The following TTYH2 variants were observed in gnomAD, a reference collection of about 807,000 sequenced individuals.
TTYH2 encodes tweety family member 2.
In TTYH2, 49 loss-of-function variants were observed where a neutral mutation model predicts 68.3. That is an observed-to-expected ratio of 0.72 (90% CI 0.57 to 0.91). TTYH2 has a LOEUF of 0.91. TTYH2 is among the 40% of genes least tolerant of loss of function. The pLI is 0.00. For missense variants in TTYH2, 631 were observed against 700.4 expected, an observed-to-expected ratio of 0.90 and a Z score of 1.12; for synonymous variants, 272 against 300.8, an observed-to-expected ratio of 0.90 and a Z score of 0.99.
chr17:74,260,208 A>G lies in TTYH2; in HGVS notation c.1604A>G (p.Ter535=), dbSNP rs981412901. The G allele has an allele frequency of 6.2e-7, 1 of 1,613,960 alleles. No homozygotes were observed. The highest frequency in any genetic ancestry group is 8.5e-7 in the Non-Finnish European group (1 of 1,179,920). ...CACTACGGGAATCAGTTTCCAGCCT[A>G]ACAGACTTTCGGGGGTTCCTGCCTC... The part of the protein sequence containing the change: ...LRHYGNQFPA[*] Residue 535 remains the stop codon, a stop_retained_variant, in exon 14 of 14, where the codon TAA becomes TGA. Coordinates refer to ENST00000269346, the MANE Select transcript of TTYH2 (RefSeq NM_032646.6).
Position 74,214,641 on chromosome 17 carries a change from C to G in TTYH2, c.129+925C>G, listed in dbSNP as rs527860258. Among the ~76,000 whole-genome samples, 1 of 152,340 alleles carries G rather than the reference C, an allele frequency of 6.6e-6. No homozygotes were observed. Among genetic ancestry groups the G allele is most frequent in the African/African-American group, 2.4e-5 (1 of 41,576 alleles). ...AACAAAGCTGCAGAATCTCCCAGCC[C>G]GTCTCAGGTCTGGTCACGCCTGCTC... On this transcript the variant is annotated intron_variant, in intron 1 of 13. Transcript: ENST00000269346. The surrounding 1 kb of genome is among the most constrained non-coding windows in gnomAD (Gnocchi z 4.6).
intron 3 of TTYH2, among the ~76,000 whole-genome samples, chr17:74,233,727 T>G (rs2050413223): frequency 6.6e-6 from 1 of 152,038 alleles, no homozygotes; most frequent in Admixed American, 6.6e-5. Flanking sequence ...CCTTGGTGGG[T>G]AGGGGCGGTG....
intron 3 of TTYH2, among the ~76,000 whole-genome samples, chr17:74,235,451 A>G (rs1161559422): frequency 6.6e-6 from 1 of 152,246 alleles, no homozygotes; most frequent in Non-Finnish European, 1.5e-5. Context: ...CGCTGCCAGC[A>G]AGGGCGTGCT....
rs539226350 is a variant in TTYH2 at position 74,228,721 on chromosome 17, G to A, written c.303-2167G>A. Among the ~76,000 whole-genome samples, 29 of 152,292 alleles carry A rather than the reference G, an allele frequency of 1.9e-4. 1 individual carries two copies. The highest frequency in any genetic ancestry group is 1.7e-3 in the East Asian group (9 of 5,184). Reference sequence around the variant, plus strand: ...AGTGGGGGGCGGGGGGAACCAGGGCGGGTGCAAGTTCAGGTCAGTGCCCTG... The same window carrying A: ...AGTGGGGGGCGGGGGGAACCAGGGCAGGTGCAAGTTCAGGTCAGTGCCCTG... On this transcript the variant is annotated intron_variant, in intron 2 of 13. Transcript: ENST00000269346.
At chr17:74,230,088 G>A (rs893360763) in intron 2 of TTYH2, among the ~76,000 whole-genome samples, 2 of 152,080 alleles carry the variant, frequency 1.3e-5, no homozygotes, top group Non-Finnish European at 2.9e-5. Flanking sequence ...CTGAGATAGC[G>A]CCATTGCACT....
intron 2 of TTYH2, among the ~76,000 whole-genome samples, chr17:74,225,472 T>G (rs528861093): frequency 6.6e-6 from 1 of 152,310 alleles, no homozygotes; most frequent in African/African-American, 2.4e-5. Flanking sequence ...CGTGACCCGA[T>G]AACTCAAGTT....
intron 2 of TTYH2, among the ~76,000 whole-genome samples, chr17:74,224,957 C>T (rs2050314949): frequency 6.6e-6 from 1 of 151,360 alleles, no homozygotes; most frequent in Admixed American, 6.6e-5. Flanking sequence ...CGAGATTGCG[C>T]CATTGCATTC....
In TTYH2 at chr17:74,222,929, T is replaced by C. The variant is rs765160742; in HGVS notation, c.302+272T>C. ...GCCCAGCAGCTGTGCAGGCAGCATT[T>C]CTGCACCGACACTGGGCATCTCCAG... On this transcript the variant is annotated intron_variant, in intron 2 of 13. Coordinates refer to ENST00000269346, the MANE Select transcript of TTYH2 (RefSeq NM_032646.6). This position sits in a 1 kb window ranked among gnomAD's most constrained non-coding sequence, Gnocchi z 5.2. Among the ~76,000 whole-genome samples, 1 of 152,080 alleles carries C rather than the reference T, an allele frequency of 6.6e-6. No individual in the cohort carries two copies. Among genetic ancestry groups the C allele is most frequent in the Non-Finnish European group, 1.5e-5 (1 of 67,990 alleles).
rs536102441 is a variant in TTYH2, at chr17:74,221,224, C to T, written c.130-1261C>T. Among the ~76,000 whole-genome samples the T allele has an allele frequency of 2.0e-5, 3 of 152,232 alleles. No homozygotes were observed. In the South Asian group the frequency reaches 6.2e-4, roughly 31 times the overall value. On this transcript the variant is annotated intron_variant, in intron 1 of 13. Transcript: ENST00000269346. The stretch of plus-strand genomic sequence containing the variant: ...AGCCAAGAGTGACCAGCAGAGCAGT[C>T]CATGTCAGAGGCCCGAAGACCTGCC...
chr17:74,236,047 A>G (rs1431325094), intron 3 of TTYH2, among the ~76,000 whole-genome samples: 1 of 152,236 alleles, frequency 6.6e-6, no homozygotes, highest in Non-Finnish European at 1.5e-5. Context: ...CCAGCCGTCA[A>G]CTTTCTATTT....
chr17:74,221,705 G>A (rs904637609), intron 1 of TTYH2, among the ~76,000 whole-genome samples: 11 of 152,180 alleles, frequency 7.2e-5, no homozygotes, highest in Admixed American at 1.3e-4. Flanking sequence ...GCAGGGCCCC[G>A]AGGTGCTAGG....
chr17:74,234,428 T>A (rs188151696), intron 3 of TTYH2, among the ~76,000 whole-genome samples: 6 of 152,336 alleles, frequency 3.9e-5, no homozygotes. Context: ...CCTGAAACTT[T>A]AAGGAATTGG....
At chr17:74,248,402 A>G (rs927218954) in intron 6 of TTYH2, 1 of 986,784 alleles carries the variant, frequency 1.0e-6, no homozygotes, top group Non-Finnish European at 1.2e-6. Flanking sequence ...CAGGTCCTCC[A>G]GCTCATAAGT....
At chr17:74,233,376 T>C (rs1032450226) in intron 3 of TTYH2, among the ~76,000 whole-genome samples, 1 of 152,166 alleles carries the variant, frequency 6.6e-6, no homozygotes, top group Non-Finnish European at 1.5e-5. Context: ...ATCAGATAAA[T>C]GACTAGTGAG....
intron 4 of TTYH2, 106 bp downstream of exon 4, chr17:74,237,620 T>C (rs1598222570): frequency 9.6e-7 from 1 of 1,036,996 alleles, no homozygotes; most frequent in East Asian, 2.6e-5. Flanking sequence ...CACTGGAAAG[T>C]ATTTTTTTTT....
chr17:74,218,319 G>GT (rs910459595), intron 1 of TTYH2, among the ~76,000 whole-genome samples: 1 of 147,142 alleles, frequency 6.8e-6, no homozygotes, highest in Non-Finnish European at 1.5e-5. Context: ...ACCACCCCCA[G>GT]TTTTTTCCCA....
Position 74,215,001 on chromosome 17 carries a change from G to A in TTYH2, c.129+1285G>A, listed in dbSNP as rs1469272843. On this transcript the variant is annotated intron_variant, in intron 1 of 13. Coordinates refer to ENST00000269346, the MANE Select transcript of TTYH2 (RefSeq NM_032646.6). This position sits in a 1 kb window ranked among gnomAD's most constrained non-coding sequence, Gnocchi z 4.3. ...CATCAGGACCCCTTCCTGGGGTTCA[G>A]TGGGCACTCAGGAGCAAGACGGCAG... Among the ~76,000 whole-genome samples the A allele has an allele frequency of 1.3e-5, 2 of 152,152 alleles. No individual in the cohort carries two copies. Among genetic ancestry groups the A allele is most frequent in the Non-Finnish European group, 2.9e-5 (2 of 68,016 alleles).
chr17:74,225,656 T>G (rs2050322312), intron 2 of TTYH2, among the ~76,000 whole-genome samples: 1 of 152,164 alleles, frequency 6.6e-6, no homozygotes, highest in Non-Finnish European at 1.5e-5. Flanking sequence ...GGAGAGGCTA[T>G]GTCACCAGGG....
intron 4 of TTYH2, among the ~76,000 whole-genome samples, chr17:74,242,606 T>C (rs1391617066): frequency 6.6e-6 from 1 of 152,222 alleles, no homozygotes; most frequent in Non-Finnish European, 1.5e-5. Context: ...TTGGCCAGGC[T>C]GGTCTCGAAC....
Sources: allele counts gnomAD v4.1 joint callset (sites outside exome capture counted in the v4.1 genomes callset), GRCh38; gene constraint gnomAD v4.1.1; non-coding constraint Gnocchi (gnomAD v3.1); transcripts MANE v1.5; gene names NCBI Gene and HGNC (gene_info 2026-07-23, HGNC 2026-07-21).